Variants in SPAG17 observed in about 807,000 individuals in gnomAD.
The protein encoded by SPAG17 is sperm associated antigen 17, also known as sperm-associated antigen 17.
In SPAG17, 169 loss-of-function variants were observed where a neutral mutation model predicts 273.6. The observed-to-expected ratio is 0.62, with a 90% confidence interval of 0.55 to 0.70. The LOEUF (loss-of-function observed/expected upper bound fraction) is 0.70. Among genes scored for constraint, SPAG17 ranks in the 30% least tolerant of loss-of-function variants. SPAG17 has a pLI of 0.00. For synonymous variants in SPAG17, 825 were observed against 873.2 expected, an observed-to-expected ratio of 0.94 and a Z score of 0.97; for missense variants, 2,557 against 2,627.8, an observed-to-expected ratio of 0.97 and a Z score of 0.59.
At chr1:118,071,059 C>T (rs1653533027) in intron 17 of SPAG17, among the ~76,000 whole-genome samples, 1 of 150,898 alleles carries the variant, frequency 6.6e-6, no homozygotes, top group Non-Finnish European at 1.5e-5. Context: ...CCCAAGAAAA[C>T]AGAACTGACA....
chr1:117,971,478 ACAT>A (rs1312463558), intron 45 of SPAG17, among the ~76,000 whole-genome samples: 2 of 152,368 alleles, frequency 1.3e-5, no homozygotes, highest in South Asian at 2.1e-4. Flanking sequence ...GTGCAAACAA[ACAT>A]CAGCTAGTAT....
chr1:118,129,187 T>C (rs1249693130), intron 3 of SPAG17, among the ~76,000 whole-genome samples: 1 of 152,262 alleles, frequency 6.6e-6, no homozygotes, highest in Non-Finnish European at 1.5e-5. Flanking sequence ...CCTGGACTTC[T>C]ACGTCTGCAT....
chr1:117,985,240 A>G (rs1656280790), intron 40 of SPAG17, among the ~76,000 whole-genome samples: 1 of 152,234 alleles, frequency 6.6e-6, no homozygotes, highest in African/African-American at 2.4e-5. Context: ...GTCAGTGGTT[A>G]TAGAGTTAAA....
intron 31 of SPAG17, 104 bp from the exon 32 acceptor site, chr1:118,005,706 CA>C (rs1036059145): frequency 1.2e-6 from 1 of 814,164 alleles, no homozygotes; most frequent in African/African-American, 1.8e-5. Flanking sequence ...ATCCTAGTCA[CA>C]AACTGTGTTT....
At chr1:118,105,781 G>A (rs1166504458) in intron 4 of SPAG17, among the ~76,000 whole-genome samples, 1 of 152,100 alleles carries the variant, frequency 6.6e-6, no homozygotes, top group East Asian at 1.9e-4. Flanking sequence ...CTGAGGTGGA[G>A]TGGAGGAAAT....
chr1:117,972,425 A>G (rs1654665336), intron 44 of SPAG17, among the ~76,000 whole-genome samples: 2 of 152,222 alleles, frequency 1.3e-5, no homozygotes, highest in African/African-American at 4.8e-5. Context: ...TTACCCCCAG[A>G]GTTTTTCATT....
At chr1:118,056,515 C>A (rs1038411481) in intron 18 of SPAG17, among the ~76,000 whole-genome samples, 3 of 152,156 alleles carry the variant, frequency 2.0e-5, no homozygotes, top group African/African-American at 7.2e-5. Flanking sequence ...CAAATTCATT[C>A]ACATCACTTA....
At chr1:118,097,238 A>G (rs1338793176) in intron 7 of SPAG17, among the ~76,000 whole-genome samples, 1 of 152,104 alleles carries the variant, frequency 6.6e-6, no homozygotes. Flanking sequence ...AAAAAAAAAA[A>G]AAGGGGGGAA....
At position 118,113,275 on chromosome 1, in the gene SPAG17, A is replaced by G. The variant is rs537415939; in HGVS notation, c.447+2035T>C. Among the ~76,000 whole-genome samples the G allele has an allele frequency of 2.0e-5, 3 of 152,276 alleles. No homozygotes were observed. In the South Asian group the frequency reaches 6.2e-4, roughly 32 times the overall value. On this transcript the variant is annotated intron_variant, in intron 4 of 48. Transcript: ENST00000336338. ...CTCACTGTGGGTTCAGGAAAGATGA[A>G]AAGATTAGCTAAAGTCCTCTTTTCT...
chr1:118,147,146 C>T (rs1360024108), intron 3 of SPAG17, among the ~76,000 whole-genome samples: 1 of 152,166 alleles, frequency 6.6e-6, no homozygotes, highest in Non-Finnish European at 1.5e-5. Flanking sequence ...TTCTCTCTAG[C>T]TTGTTCTTAA....
chr1:117,983,774 A>G (rs762339086), intron 42 of SPAG17, 37 bp downstream of exon 42: 3 of 1,419,646 alleles, frequency 2.1e-6, no homozygotes, highest in South Asian at 1.2e-5. Context: ...TCAGTTACGG[A>G]CATTTAATAG....
At chr1:118,003,602 A>G (rs755485521) in intron 32 of SPAG17, among the ~76,000 whole-genome samples, 2 of 152,146 alleles carry the variant, frequency 1.3e-5, no homozygotes, top group African/African-American at 4.8e-5. Context: ...CACTTGATCA[A>G]ATCAGCTATT....
At chr1:118,114,387 C>A (rs911601473) in intron 4 of SPAG17, among the ~76,000 whole-genome samples, 1 of 152,050 alleles carries the variant, frequency 6.6e-6, no homozygotes, top group Non-Finnish European at 1.5e-5. Flanking sequence ...TCTACAATTA[C>A]CTTGTTGAGG....
At chr1:117,986,897 C>A (rs1032415626) in intron 40 of SPAG17, among the ~76,000 whole-genome samples, 1 of 152,160 alleles carries the variant, frequency 6.6e-6, no homozygotes, top group Non-Finnish European at 1.5e-5. Flanking sequence ...TTCTGACCTT[C>A]CCCTGAAGCA....
chr1:118,046,583 A>G (rs1650383512), intron 20 of SPAG17, among the ~76,000 whole-genome samples: 3 of 151,780 alleles, frequency 2.0e-5, no homozygotes, highest in Non-Finnish European at 2.9e-5. Flanking sequence ...CACTAGGAGG[A>G]AAAAAAAGGT....
chr1:117,980,279 T>C (rs768811082), intron 43 of SPAG17, among the ~76,000 whole-genome samples: 1 of 152,170 alleles, frequency 6.6e-6, no homozygotes, highest in Non-Finnish European at 1.5e-5. Flanking sequence ...TTGCCTAGGC[T>C]GGAGTGCAGT....
At chr1:118,160,078 A>G (rs1659840352) in intron 1 of SPAG17, among the ~76,000 whole-genome samples, 1 of 152,232 alleles carries the variant, frequency 6.6e-6, no homozygotes, top group African/African-American at 2.4e-5. Context: ...GAGGAGACCA[A>G]GAAAAGCCAA....
intron 18 of SPAG17, among the ~76,000 whole-genome samples, chr1:118,060,894 A>G (rs1283154106): frequency 6.6e-6 from 1 of 152,150 alleles, no homozygotes; most frequent in African/African-American, 2.4e-5. Context: ...GCAATTTAAG[A>G]AGCAGTTCCC....
chr1:118,104,766 G>A (rs1317036403), intron 4 of SPAG17, among the ~76,000 whole-genome samples: 1 of 152,220 alleles, frequency 6.6e-6, no homozygotes, highest in Admixed American at 6.5e-5. Context: ...AGCAATTATG[G>A]TGGAGTGTGG....
Sources: allele counts gnomAD v4.1 joint callset (sites outside exome capture counted in the v4.1 genomes callset), GRCh38; gene constraint gnomAD v4.1.1; transcripts MANE v1.5; gene names NCBI Gene and HGNC (gene_info 2026-07-23, HGNC 2026-07-21).